Variants in CCND3 observed in about 807,000 individuals in gnomAD.
CCND3 encodes the protein cyclin D3, also known as G1/S-specific cyclin-D3.
CCND3 carries 9 observed loss-of-function variants against 28.7 expected under a neutral mutation model. The observed-to-expected ratio is 0.31, with a 90% confidence interval of 0.19 to 0.55. The LOEUF (loss-of-function observed/expected upper bound fraction) is 0.55, where lower values mean the gene tolerates loss of function less well. Among genes scored for constraint, CCND3 ranks in the 20% least tolerant of loss-of-function variants. The probability of loss-of-function intolerance (pLI) is 0.93; values close to 1 mark genes in which losing one functional copy is unlikely to be tolerated. For missense variants in CCND3, 315 were observed against 385.8 expected, an observed-to-expected ratio of 0.82 and a Z score of 1.54; for synonymous variants, 164 against 163.9, an observed-to-expected ratio of 1.00 and a Z score of 0.00.
intron 1 of CCND3, among the ~76,000 whole-genome samples, chr6:42,045,653 T>C (rs374717318): frequency 1.3e-5 from 2 of 152,232 alleles, no homozygotes; most frequent in Non-Finnish European, 2.9e-5. Context: ...CTTGTTCCAA[T>C]GCCATTTCTA....
chr6:41,941,515 G>A lies in CCND3; in HGVS notation c.135C>T (p.Phe45=), dbSNP rs762696595. 16 of 1,607,352 alleles carry A rather than the reference G, an allele frequency of 1.0e-5. No homozygotes were observed. The African/African-American group carries it at 2.1e-4, about 22-fold the overall frequency. The change falls in exon 1 of 5, where the codon TTC becomes TTT. Residue 45 remains phenylalanine, a synonymous_variant. Transcript: ENST00000372991. The surrounding 1 kb of genome is among the most constrained non-coding windows in gnomAD (Gnocchi z 6.1). ...GCTTGATCTCCCGCTGCACGCACTGGAAGTAGGAGGCGCGGGGTACGTAGC... is the reference window on the plus strand; with the variant it reads ...GCTTGATCTCCCGCTGCACGCACTGAAAGTAGGAGGCGCGGGGTACGTAGC... ...EERYVPRASY[F]QCVQREIKPH...
At chr6:41,995,519 G>C (rs2127418134) in intron 1 of CCND3, among the ~76,000 whole-genome samples, 1 of 152,258 alleles carries the variant, frequency 6.6e-6, no homozygotes, top group South Asian at 2.1e-4. Context: ...GCCTCCCAAA[G>C]TGCTGGGATT....
At chr6:41,964,623 G>A (rs1443744393) in intron 1 of CCND3, among the ~76,000 whole-genome samples, 1 of 152,152 alleles carries the variant, frequency 6.6e-6, no homozygotes, top group Admixed American at 6.6e-5. Flanking sequence ...ACTAGGTGAG[G>A]AGAGAGCATC....
intron 1 of CCND3, among the ~76,000 whole-genome samples, chr6:41,992,736 A>G (rs1762691889): frequency 6.6e-6 from 1 of 151,394 alleles, no homozygotes; most frequent in East Asian, 2.0e-4. Context: ...TGTGAGCCAC[A>G]ACACCCAGCA....
At chr6:42,040,427 AC>A (rs1764337078) in intron 1 of CCND3, among the ~76,000 whole-genome samples, 1 of 151,242 alleles carries the variant, frequency 6.6e-6, no homozygotes, top group Non-Finnish European at 1.5e-5. Flanking sequence ...CAAAACAAAA[AC>A]AAAAACAACA....
chr6:42,025,877 C>A (rs550397891), intron 1 of CCND3, among the ~76,000 whole-genome samples: 1 of 152,158 alleles, frequency 6.6e-6, no homozygotes, highest in East Asian at 1.9e-4. Context: ...ACATGGTACC[C>A]GGTGTATCCA....
At chr6:42,013,470 T>C (rs1025575211) in intron 1 of CCND3, among the ~76,000 whole-genome samples, 1 of 152,200 alleles carries the variant, frequency 6.6e-6, no homozygotes, top group African/African-American at 2.4e-5. Context: ...CCCCAACACC[T>C]AGAACAAACA....
intron 1 of CCND3, among the ~76,000 whole-genome samples, chr6:41,977,986 C>A (rs1467061984): frequency 1.3e-5 from 2 of 151,550 alleles, no homozygotes; most frequent in Non-Finnish European, 2.9e-5. Context: ...GCTCAGGAGG[C>A]AGAGGTTGCA....
chr6:41,962,896 G>A (rs529365521), intron 1 of CCND3, among the ~76,000 whole-genome samples: 45 of 152,256 alleles, frequency 3.0e-4, no homozygotes, highest in African/African-American at 8.9e-4. Flanking sequence ...GACTACAGGC[G>A]CGTGCCACCA....
At chr6:41,973,280 T>C (rs1043719143) in intron 1 of CCND3, among the ~76,000 whole-genome samples, 2 of 152,188 alleles carry the variant, frequency 1.3e-5, no homozygotes, top group Non-Finnish European at 2.9e-5. Flanking sequence ...TTCCAGCTTC[T>C]GAAAGTTCAG....
chr6:42,014,177 A>G lies in CCND3; in HGVS notation c.-46+34324T>C, dbSNP rs560481387. Among the ~76,000 whole-genome samples, 8 of 150,772 alleles carry G rather than the reference A, an allele frequency of 5.3e-5. No individual in the cohort carries two copies. In the South Asian group the frequency reaches 1.3e-3, roughly 24 times the overall value. On this transcript the variant is annotated intron_variant, in intron 1 of 4. Transcript: ENST00000372988. The stretch of plus-strand genomic sequence containing the variant: ...TCAGGAGATCGAGACCATCCTGGCT[A>G]ACACGGTGAAACCCCGTCTCTACCA...
intron 2 of CCND3, chr6:41,937,708 C>A: frequency 2.8e-6 from 1 of 362,066 alleles, no homozygotes; most frequent in Non-Finnish European, 5.2e-6. Flanking sequence ...TCATTCAGGG[C>A]TCTGAGGATT....
At position 41,936,682 on chromosome 6, in the gene CCND3, G is replaced by T. The variant is rs1775810154; in HGVS notation, c.588C>A (p.Ala196=). The change falls in exon 4 of 5, where the codon GCC becomes GCA. Residue 196 remains alanine (A), a synonymous_variant. Coordinates refer to ENST00000372991, the MANE Select transcript of CCND3 (RefSeq NM_001760.5). This position sits in a 1 kb window ranked among gnomAD's most constrained non-coding sequence, Gnocchi z 4.4. ...LALCATDYTF[A]MYPPSMIATG... is the part of the protein sequence containing the mutation. ...TGGCGATCATGGATGGCGGGTACAT[G>T]GCAAAGGTATAATCTTGGAGAGGAG... is the stretch of plus-strand genomic sequence containing the variant. The T allele has an allele frequency of 6.2e-7, 1 of 1,613,948 alleles. No homozygotes were observed. The highest frequency in any genetic ancestry group is 1.7e-5 in the Admixed American group (1 of 59,978).
At chr6:41,976,055 A>G (rs528788515) in intron 1 of CCND3, among the ~76,000 whole-genome samples, 1 of 152,120 alleles carries the variant, frequency 6.6e-6, no homozygotes, top group African/African-American at 2.4e-5. Flanking sequence ...AAAAAATTTT[A>G]AATTAGCTGG....
chr6:41,961,787 C>T (rs972325808), intron 1 of CCND3, among the ~76,000 whole-genome samples: 5 of 152,120 alleles, frequency 3.3e-5, no homozygotes, highest in African/African-American at 7.2e-5. Context: ...ATGTCACACC[C>T]GGTACCTCAA....
chr6:42,024,722 A>G (rs187179319), intron 1 of CCND3, among the ~76,000 whole-genome samples: 453 of 152,248 alleles, frequency 3.0e-3, no homozygotes, highest in African/African-American at 9.7e-3. Context: ...GGAGTTTGAC[A>G]CCAGCCTGGC....
At chr6:42,033,832 C>T (rs1764117062) in intron 1 of CCND3, among the ~76,000 whole-genome samples, 1 of 145,892 alleles carries the variant, frequency 6.9e-6, no homozygotes, top group Non-Finnish European at 1.5e-5. Flanking sequence ...GTCTGGGCAA[C>T]AAGAGCGAAA....
chr6:41,997,517 T>A (rs1395009815), intron 1 of CCND3, among the ~76,000 whole-genome samples: 1 of 152,120 alleles, frequency 6.6e-6, no homozygotes, highest in Non-Finnish European at 1.5e-5. Flanking sequence ...TAAATTATAA[T>A]GGCCTCTTCC....
intron 1 of CCND3, among the ~76,000 whole-genome samples, chr6:41,964,073 C>T (rs570853961): frequency 1.4e-4 from 21 of 152,184 alleles, no homozygotes; most frequent in Non-Finnish European, 2.9e-4. Context: ...TATACCCACC[C>T]CACAGAGTTG....
Sources: gnomAD v4.1 joint callset for allele counts (sites outside exome capture counted in the v4.1 genomes callset) on GRCh38, gnomAD v4.1.1 for gene constraint, Gnocchi (gnomAD v3.1) non-coding constraint, MANE v1.5 for transcripts, NCBI Gene and HGNC (gene_info 2026-07-23, HGNC 2026-07-21) for gene names.